EHD3: variants seen among roughly 807,000 people sequenced by gnomAD.
EHD3 encodes the protein EH domain containing 3, also known as EH domain-containing protein 3.
A neutral mutation model predicts 43.0 loss-of-function variants in EHD3; 17 were observed. The observed-to-expected ratio is 0.40, with a 90% confidence interval of 0.27 to 0.59. EHD3 has a LOEUF of 0.59. Among genes scored for constraint, EHD3 ranks in the 20% least tolerant of loss-of-function variants. The pLI is 0.49. For synonymous variants in EHD3, 313 were observed against 289.5 expected, an observed-to-expected ratio of 1.08 and a Z score of -0.82; for missense variants, 594 against 705.6, an observed-to-expected ratio of 0.84 and a Z score of 1.79.
rs1683861929 is a variant in EHD3 at position 31,261,674 on chromosome 2, G to T, written c.1041G>T (p.Gln347His). ...ATGGCCGGATCGAGCGGGAGCACCA[G>T]ATCTCACCTGGGGACTTCCCCAATC... Reference protein sequence around the residue: ...EIYGRIEREHQISPGDFPNLK... With the variant: ...EIYGRIEREHHISPGDFPNLK... The change falls in exon 5 of 6, where the codon CAG (glutamine) becomes CAT (histidine). Residue 347 changes from glutamine to histidine, a missense_variant. Physicochemically the swap from Gln to His is conservative, Grantham distance 24 (BLOSUM62 0). Around this residue, in one of 3 missense-constraint regions of EHD3, gnomAD observed 322 missense variants for 348.0 expected, o/e 0.93. Coordinates refer to ENST00000322054, the MANE Select transcript of EHD3 (RefSeq NM_014600.3). The T allele has an allele frequency of 1.1e-5, 17 of 1,614,234 alleles. No individual in the cohort carries two copies. The highest frequency in any genetic ancestry group is 1.4e-5 in the Non-Finnish European group (17 of 1,180,032).
At chr2:31,241,635 C>T (rs1024305872) in intron 1 of EHD3, among the ~76,000 whole-genome samples, 1 of 152,104 alleles carries the variant, frequency 6.6e-6, no homozygotes, top group Admixed American at 6.6e-5. Context: ...GAACAACGTC[C>T]GGCACATCGC....
intron 5 of EHD3, among the ~76,000 whole-genome samples, chr2:31,262,160 C>G (rs1683869926): frequency 6.6e-6 from 1 of 152,200 alleles, no homozygotes; most frequent in South Asian, 2.1e-4. Flanking sequence ...CACACGGGAA[C>G]TCGTCATCTT....
intron 1 of EHD3, among the ~76,000 whole-genome samples, chr2:31,236,901 G>A (rs1055701984): frequency 2.0e-5 from 3 of 152,176 alleles, no homozygotes; most frequent in African/African-American, 7.2e-5. Context: ...GTCATCACTG[G>A]CTGTTAACTG....
Position 31,234,822 on chromosome 2 carries a change from C to G in EHD3, c.201C>G (p.Tyr67Ter). Residue 67 changes from tyrosine (Y) to a stop codon, truncating the protein, a stop_gained, in exon 1 of 6, where the codon TAC (tyrosine) becomes TAG (stop). Transcript: ENST00000322054. LOFTEE classifies it high-confidence loss of function. ...CCATGGTTCTGCTGGTGGGCCAGTA[C>G]TCCACTGGGAAGACCACCTTCATCA... ...NKPMVLLVGQYSTGKTTFIRY... is the reference protein window; with the variant it reads ...NKPMVLLVGQ 6.2e-7 allele frequency: 1 copy of G among 1,614,164 alleles called. No individual in the cohort carries two copies. Among genetic ancestry groups the G allele is most frequent in the Non-Finnish European group, 8.5e-7 (1 of 1,180,038 alleles).
chr2:31,260,637 C>T lies in EHD3; in HGVS notation c.630C>T (p.His210=), dbSNP rs557753544. The T allele has an allele frequency of 1.3e-5, 21 of 1,614,166 alleles. No individual in the cohort carries two copies. In the East Asian group the frequency reaches 1.3e-4, roughly 10 times the overall value. ...FSEVIKALKN[H]EDKMRVVLNK... ...AAGTCATCAAAGCCCTCAAGAACCA[C>T]GAGGACAAGATGCGAGTGGTGCTGA... Residue 210 remains histidine, a synonymous_variant, in exon 4 of 6, where the codon CAC becomes CAT. Coordinates refer to ENST00000322054, the MANE Select transcript of EHD3 (RefSeq NM_014600.3). This position sits in a 1 kb window ranked among gnomAD's most constrained non-coding sequence, Gnocchi z 4.6.
In EHD3 at chr2:31,266,466, C is replaced by T. The variant is rs762389313; in HGVS notation, c.1370C>T (p.Pro457Leu). Residue 457 changes from proline (P) to leucine (L), a missense_variant, in exon 6 of 6, where the codon CCG becomes CTG. Coordinates refer to ENST00000322054, the MANE Select transcript of EHD3 (RefSeq NM_014600.3). This position sits in a 1 kb window ranked among gnomAD's most constrained non-coding sequence, Gnocchi z 5.1. ...GACGAGATCTTCTACACCCTGTCAC[C>T]GGTGGATGGCAAGATCACAGGCGCT... ...MYDEIFYTLS[P>L]VDGKITGANA... The T allele has an allele frequency of 4.6e-5, 74 of 1,613,950 alleles. No homozygotes were observed. The highest frequency in any genetic ancestry group is 5.0e-5 in the Non-Finnish European group (59 of 1,180,026).
At position 31,256,362 on chromosome 2, in the gene EHD3, A is replaced by G. The variant is rs1238141921; in HGVS notation, c.503-4148A>G. The stretch of plus-strand genomic sequence containing the variant: ...ACTGAGTCACTGATTCCTCAACCAT[A>G]AAACTGAGGCCCAGAGATTACTCAT... On this transcript the variant is annotated intron_variant, in intron 3 of 5. Transcript: ENST00000322054. 2.0e-5 allele frequency among the ~76,000 whole-genome samples: 3 copies of G among 152,334 alleles called. No individual in the cohort carries two copies. The East Asian group carries it at 5.8e-4, about 29-fold the overall frequency.
rs1413884531 is a variant in EHD3, at chr2:31,267,442, G to A, written c.*738G>A. ...TTTTAGTTCATAGATTTTGTTAGAT[G>A]TTCTTTCCACCTGGCCTATGATGTT... On this transcript the variant is annotated 3_prime_UTR_variant, in exon 6 of 6. Transcript: ENST00000322054. 1 of 152,564 alleles carries A rather than the reference G, an allele frequency of 6.6e-6. No homozygotes were observed. The highest frequency in any genetic ancestry group is 6.5e-5 in the Admixed American group (1 of 15,270). The allele number at this position is 152,564 out of a possible 1,614,324, so 9.5% of individuals were successfully genotyped here.
Position 31,238,093 on chromosome 2 carries a change from T to C in EHD3, c.227+3245T>C, listed in dbSNP as rs76899885. Reference sequence around the variant, plus strand: ...TTTTGTTTAAAATATTTTTTAACTTTAAAATTTTTGTACTAAGAGTCATAT... The same window carrying C: ...TTTTGTTTAAAATATTTTTTAACTTCAAAATTTTTGTACTAAGAGTCATAT... On this transcript the variant is annotated intron_variant, in intron 1 of 5. Coordinates refer to ENST00000322054, the MANE Select transcript of EHD3 (RefSeq NM_014600.3). Among the ~76,000 whole-genome samples the C allele has an allele frequency of 2.2e-3, 331 of 152,378 alleles. 11 individuals are homozygous for C. In the East Asian group the frequency reaches 0.056, roughly 26 times the overall value.
chr2:31,237,267 G>T (rs1453463814), intron 1 of EHD3, among the ~76,000 whole-genome samples: 3 of 151,736 alleles, frequency 2.0e-5, no homozygotes, highest in African/African-American at 7.2e-5. Context: ...CTTAGGAGAA[G>T]CTATTTTAAT....
At chr2:31,245,542 TA>T (rs1558647869) in intron 2 of EHD3, among the ~76,000 whole-genome samples, 31 of 53,344 alleles carry the variant, frequency 5.8e-4, no homozygotes, top group African/African-American at 1.4e-3. Flanking sequence ...TATATATATA[TA>T]TATATATATA....
At chr2:31,238,913 G>C (rs1683370662) in intron 1 of EHD3, among the ~76,000 whole-genome samples, 2 of 152,120 alleles carry the variant, frequency 1.3e-5, no homozygotes, top group Admixed American at 1.3e-4. Flanking sequence ...AGCTGCCCCG[G>C]GCTCCTTGGG....
intron 4 of EHD3, among the ~76,000 whole-genome samples, 185 bp downstream of exon 4, chr2:31,261,107 A>G (rs369522772): frequency 1.4e-4 from 22 of 152,332 alleles, no homozygotes; most frequent in African/African-American, 5.3e-4. Flanking sequence ...AACTGACTCC[A>G]TTGTTTACTG....
chr2:31,257,757 C>T (rs935819451), intron 3 of EHD3, among the ~76,000 whole-genome samples: 7 of 152,232 alleles, frequency 4.6e-5, no homozygotes, highest in African/African-American at 1.7e-4. Flanking sequence ...GTGAACATCT[C>T]CGAGGGAGGG....
Position 31,260,365 on chromosome 2 carries a change from C to A in EHD3, c.503-145C>A. On this transcript the variant is annotated intron_variant, in intron 3 of 5. Transcript: ENST00000322054. This position sits in a 1 kb window ranked among gnomAD's most constrained non-coding sequence, Gnocchi z 4.6. ...AGACATTGAGTAATTTGCTGGAGTC[C>A]AAACAGTTAAAATGTGGAGGAGCCA... The A allele has an allele frequency of 1.3e-6, 1 of 791,744 alleles. No homozygotes were observed. Among genetic ancestry groups the A allele is most frequent in the Non-Finnish European group, 1.9e-6 (1 of 535,586 alleles). 49.0% of individuals were successfully genotyped at this position (791,744 alleles called of 1,614,324 possible).
At chr2:31,243,306 G>A (rs1256053868) in intron 1 of EHD3, among the ~76,000 whole-genome samples, 2 of 152,012 alleles carry the variant, frequency 1.3e-5, no homozygotes, top group African/African-American at 2.4e-5. Context: ...GATCATAAAT[G>A]TGTAGATCTG....
chr2:31,264,470 CT>C (rs1191951033), intron 5 of EHD3, among the ~76,000 whole-genome samples: 2 of 149,606 alleles, frequency 1.3e-5, no homozygotes, highest in African/African-American at 4.9e-5. Flanking sequence ...TTAGGCTACA[CT>C]ATATTTATTT....
chr2:31,234,186 C>T lies in EHD3; in HGVS notation c.-436C>T, dbSNP rs1244380221. Among the ~76,000 whole-genome samples the T allele has an allele frequency of 6.6e-6, 1 of 152,224 alleles. No homozygotes were observed. Among genetic ancestry groups the T allele is most frequent in the Non-Finnish European group, 1.5e-5 (1 of 68,036 alleles). ...GATGCAGAGCTGTCCGCGGGCTGGGCAGCGTCGCCGTCTCCCCTGAGCCGC... is the reference window on the plus strand; with the variant it reads ...GATGCAGAGCTGTCCGCGGGCTGGGTAGCGTCGCCGTCTCCCCTGAGCCGC... On this transcript the variant is annotated 5_prime_UTR_variant, in exon 1 of 6. It introduces an in-frame stop codon into an upstream open reading frame of the 5' UTR. Coordinates refer to ENST00000322054, the MANE Select transcript of EHD3 (RefSeq NM_014600.3).
At chr2:31,259,464 T>C (rs1362547699) in intron 3 of EHD3, among the ~76,000 whole-genome samples, 1 of 152,188 alleles carries the variant, frequency 6.6e-6, no homozygotes, top group Non-Finnish European at 1.5e-5. Flanking sequence ...CAGCTCCTAC[T>C]GGATCCACAG....
Sources: gnomAD v4.1 joint callset for allele counts (sites outside exome capture counted in the v4.1 genomes callset) on GRCh38, gnomAD v4.1.1 for gene constraint, gnomAD v4.1.1 regional missense constraint, Gnocchi (gnomAD v3.1) non-coding constraint, MANE v1.5 for transcripts, NCBI Gene and HGNC (gene_info 2026-07-23, HGNC 2026-07-21) for gene names.